RBM19: variants seen among roughly 807,000 people sequenced by gnomAD.
RBM19 encodes the protein RNA binding motif protein 19.
In RBM19, 94 loss-of-function variants were observed where a neutral mutation model predicts 116.8. That is an observed-to-expected ratio of 0.80 (90% CI 0.68 to 0.95). RBM19 has a LOEUF of 0.95. Ranked by LOEUF, RBM19 falls within the 40% of genes least tolerant of loss-of-function variation. RBM19 has a pLI of 0.00. For synonymous variants in RBM19, 475 were observed against 494.1 expected (o/e 0.96, Z 0.51); for missense variants, 1,161 against 1,220.7 (o/e 0.95, Z 0.73).
At chr12:113,932,242 A>G (rs1869668517) in intron 16 of RBM19, among the ~76,000 whole-genome samples, 1 of 152,190 alleles carries the variant, frequency 6.6e-6, no homozygotes, top group African/African-American at 2.4e-5. Context: ...GGGGCTGGCC[A>G]TCATGGTGCC....
intron 23 of RBM19, among the ~76,000 whole-genome samples, chr12:113,835,602 G>A (rs987296746): frequency 2.6e-5 from 4 of 152,200 alleles, no homozygotes; most frequent in African/African-American, 7.2e-5. Flanking sequence ...TGCTCCTCGC[G>A]AGGCTGGGAG....
chr12:113,937,115 G>C lies in RBM19; in HGVS notation c.1960C>G (p.Leu654Val). The C allele has an allele frequency of 6.2e-7, 1 of 1,614,118 alleles. No homozygotes were observed. The highest frequency in any genetic ancestry group is 8.5e-7 in the Non-Finnish European group (1 of 1,179,968). ...YSKFHHVPLY[L>V]EWAPVGVFSS... The stretch of plus-strand genomic sequence containing the variant: ...AAGACGCCAACTGGAGCCCACTCCA[G>C]ATAGAGGGGGACATGATGGAACTGC... Residue 654 changes from leucine (L) to valine (V), a missense_variant, in exon 16 of 24, where the codon CTG becomes GTG. Leu to Val is a conservative substitution (Grantham distance 32, BLOSUM62 1). Transcript: ENST00000261741.
chr12:113,831,808 G>A (rs527826063), intron 23 of RBM19, among the ~76,000 whole-genome samples: 3 of 152,200 alleles, frequency 2.0e-5, no homozygotes, highest in East Asian at 3.9e-4. Context: ...CCAAAACACC[G>A]CCCAGCGAGG....
At chr12:113,959,181 C>T (rs752262257) in intron 5 of RBM19, 31 bp downstream of exon 5, 20 of 1,587,694 alleles carry the variant, frequency 1.3e-5, no homozygotes, top group Non-Finnish European at 1.6e-5. Context: ...CAGGTCCGTG[C>T]GCATGGAGCA....
At chr12:113,885,540 T>C (rs1880454720) in intron 21 of RBM19, among the ~76,000 whole-genome samples, 1 of 152,236 alleles carries the variant, frequency 6.6e-6, no homozygotes, top group African/African-American at 2.4e-5. Context: ...ATAAGATCTA[T>C]AGATAAGATA....
At chr12:113,955,907 TG>T (rs1235695750) in intron 6 of RBM19, among the ~76,000 whole-genome samples, 2 of 152,274 alleles carry the variant, frequency 1.3e-5, no homozygotes, top group South Asian at 2.1e-4. Flanking sequence ...TGAGCCCTGC[TG>T]GGGGTGCTGC....
rs192417340 is a variant in RBM19, at chr12:113,931,587, C to T, written c.2069-4358G>A. On this transcript the variant is annotated intron_variant, in intron 16 of 23. Coordinates refer to ENST00000261741, the MANE Select transcript of RBM19 (RefSeq NM_016196.4). ...GTGCCCTCTGCCCCTCTCCCTGGCT[C>T]GCCACCTTCCCTGACTTCATCCCTC... 1.7e-3 allele frequency among the ~76,000 whole-genome samples: 264 copies of T among 152,266 alleles called. 2 individuals are homozygous for T. Among genetic ancestry groups the T allele is most frequent in the Non-Finnish European group, 2.6e-3 (180 of 68,024 alleles).
Position 113,878,391 on chromosome 12 carries a change from G to T in RBM19, c.2559-19495C>A, listed in dbSNP as rs1018905382. On this transcript the variant is annotated intron_variant, in intron 21 of 23. Transcript: ENST00000261741. Reference sequence around the variant, plus strand: ...TGGTAATTAGGGAGGTTAGCACAAAGCCTCATTAGGCCTCTCCACCTCTGC... The same window carrying T: ...TGGTAATTAGGGAGGTTAGCACAAATCCTCATTAGGCCTCTCCACCTCTGC... Among the ~76,000 whole-genome samples the T allele has an allele frequency of 5.3e-5, 8 of 152,320 alleles. No individual in the cohort carries two copies. In the East Asian group the frequency reaches 1.5e-3, roughly 29 times the overall value.
At chr12:113,940,800 T>C (rs1252030066) in intron 14 of RBM19, among the ~76,000 whole-genome samples, 4 of 152,220 alleles carry the variant, frequency 2.6e-5, no homozygotes, top group Non-Finnish European at 5.9e-5. Flanking sequence ...CAGAATCTGC[T>C]TCTGGGAGAA....
intron 23 of RBM19, among the ~76,000 whole-genome samples, chr12:113,833,756 TAA>T (rs1252317219): frequency 2.0e-5 from 3 of 152,198 alleles, no homozygotes; most frequent in Admixed American, 6.5e-5. Flanking sequence ...TTTTCGTTTT[TAA>T]AAAGAGATAG....
At chr12:113,911,829 C>T (rs572792986) in intron 21 of RBM19, among the ~76,000 whole-genome samples, 8 of 152,286 alleles carry the variant, frequency 5.3e-5, no homozygotes, top group South Asian at 2.1e-4. Flanking sequence ...AACACTCACA[C>T]GTATTACCAC....
At chr12:113,959,730 T>C (rs764232449) in intron 4 of RBM19, 135 bp downstream of exon 4, 3 of 1,125,366 alleles carry the variant, frequency 2.7e-6, no homozygotes, top group Admixed American at 4.0e-5. Context: ...CCTCTTCCCT[T>C]TCCTAGCCTC....
chr12:113,911,578 G>A (rs1346890880), intron 21 of RBM19, among the ~76,000 whole-genome samples: 1 of 152,116 alleles, frequency 6.6e-6, no homozygotes, highest in Non-Finnish European at 1.5e-5. Context: ...TACTCTGCCA[G>A]GGGCTGGATT....
intron 23 of RBM19, among the ~76,000 whole-genome samples, chr12:113,839,223 T>C (rs1324209914): frequency 1.3e-5 from 2 of 152,194 alleles, no homozygotes; most frequent in Non-Finnish European, 2.9e-5. Flanking sequence ...ACAAATGAAC[T>C]GAGTTATTTT....
At chr12:113,853,883 G>A (rs1877669843) in intron 22 of RBM19, among the ~76,000 whole-genome samples, 1 of 152,138 alleles carries the variant, frequency 6.6e-6, no homozygotes, top group Non-Finnish European at 1.5e-5. Context: ...CCCAAGAGAC[G>A]TTTTAAGGGA....
chr12:113,960,024 A>G (rs1593657937), intron 3 of RBM19, 35 bp downstream of exon 3: 1 of 1,614,152 alleles, frequency 6.2e-7, no homozygotes. Context: ...CCCTGCTGGC[A>G]GTGGGGACAG....
chr12:113,839,320 T>G (rs1490706593), intron 23 of RBM19, among the ~76,000 whole-genome samples: 3 of 152,248 alleles, frequency 2.0e-5, no homozygotes, highest in African/African-American at 7.2e-5. Flanking sequence ...CATTTGAGGC[T>G]GCTGTGGGCA....
chr12:113,935,553 G>T (rs1439390922), intron 16 of RBM19, among the ~76,000 whole-genome samples: 1 of 152,138 alleles, frequency 6.6e-6, no homozygotes. Context: ...CAACGATGTG[G>T]GATGCTTCTG....
chr12:113,819,438 C>T (rs571607518), downstream of RBM19, among the ~76,000 whole-genome samples: 88 of 152,310 alleles, frequency 5.8e-4, no homozygotes, highest in African/African-American at 2.1e-3. Flanking sequence ...AGGGTCACAG[C>T]CCCCTGAGAT....
Sources: gnomAD v4.1 joint callset for allele counts (sites outside exome capture counted in the v4.1 genomes callset) on GRCh38, gnomAD v4.1.1 for gene constraint, MANE v1.5 for transcripts, NCBI Gene and HGNC (gene_info 2026-07-23, HGNC 2026-07-21) for gene names.